The following GRIK3 variants were observed in gnomAD, a reference collection of about 807,000 sequenced individuals.
GRIK3 encodes glutamate receptor ionotropic, kainate 3.
In GRIK3, 29 loss-of-function variants were observed where a neutral mutation model predicts 102.5. That is an observed-to-expected ratio of 0.28 (90% CI 0.21 to 0.39). The LOEUF (loss-of-function observed/expected upper bound fraction) is 0.39. GRIK3 is among the 10% of genes least tolerant of loss of function. The probability of loss-of-function intolerance (pLI) is 1.00; values close to 1 mark genes in which losing one functional copy is unlikely to be tolerated. For missense variants in GRIK3, 908 were observed against 1,252.4 expected, an observed-to-expected ratio of 0.73 and a Z score of 4.15; for synonymous variants, 511 against 504.9, an observed-to-expected ratio of 1.01 and a Z score of -0.16.
At chr1:36,894,641 G>A (rs1391889528) in intron 1 of GRIK3, among the ~76,000 whole-genome samples, 2 of 152,204 alleles carry the variant, frequency 1.3e-5, no homozygotes, top group Non-Finnish European at 2.9e-5. Context: ...ACAAATTAAT[G>A]GAGCAGAAAC....
chr1:36,805,163 C>G lies in GRIK3; in HGVS notation c.2389G>C (p.Glu797Gln), dbSNP rs1331593449. The stretch of plus-strand genomic sequence containing the variant: ...CACCCGCTGCCCCGCCACCACTTCT[C>G]CTTCATGATATGCAGCTTGTCCTCC... ...QEEDKLHIMK[E>Q]KWWRGSGCPE... Residue 797 changes from glutamate (E) to glutamine (Q), a missense_variant, in exon 15 of 16, where the codon GAG becomes CAG. Glu to Gln is a conservative substitution (Grantham distance 29, BLOSUM62 2). Transcript: ENST00000373091. 56 of 1,614,098 alleles carry G rather than the reference C, an allele frequency of 3.5e-5. No individual in the cohort carries two copies. Among genetic ancestry groups the G allele is most frequent in the Non-Finnish European group, 4.6e-5 (54 of 1,180,046 alleles).
intron 1 of GRIK3, among the ~76,000 whole-genome samples, chr1:37,019,486 G>A (rs185195058): frequency 1.3e-5 from 2 of 152,270 alleles, no homozygotes; most frequent in Non-Finnish European, 2.9e-5. Context: ...CAAGACTCTG[G>A]TCTAAACTGT....
rs554726182 is a variant in GRIK3 at position 36,797,325 on chromosome 1, C to CAT, written c.*4524_*4525dup. On this transcript the variant is annotated 3_prime_UTR_variant, in exon 16 of 16. Coordinates refer to ENST00000373091, the MANE Select transcript of GRIK3 (RefSeq NM_000831.4). The stretch of plus-strand genomic sequence containing the variant: ...ACAGTATATATATATATTTTACATT[C>CAT]ATATATATATTGTACAGAACATTAA... The CAT allele has an allele frequency of 5.3e-5, 8 of 150,768 alleles. No individual in the cohort carries two copies. The highest frequency in any genetic ancestry group is 8.9e-5 in the Non-Finnish European group (6 of 67,778). The allele number at this position is 150,768 out of a possible 1,614,324, so 9.3% of individuals were successfully genotyped here. A position where few individuals can be genotyped will look rare whatever the true frequency, so the allele number is the denominator to read the frequency against.
intron 5 of GRIK3, among the ~76,000 whole-genome samples, chr1:36,867,096 G>A (rs1449058823): frequency 1.3e-5 from 2 of 152,192 alleles, no homozygotes; most frequent in Non-Finnish European, 2.9e-5. Flanking sequence ...ATGGCTGCTG[G>A]ATAAATGAAT....
At chr1:36,814,313 G>A (rs1307065031) in intron 13 of GRIK3, among the ~76,000 whole-genome samples, 1 of 152,138 alleles carries the variant, frequency 6.6e-6, no homozygotes, top group Non-Finnish European at 1.5e-5. Context: ...TTAGAGATGG[G>A]TTCATGCGTT....
At chr1:36,804,272 G>A (rs1174073095) in intron 15 of GRIK3, among the ~76,000 whole-genome samples, 1 of 152,114 alleles carries the variant, frequency 6.6e-6, no homozygotes, top group Non-Finnish European at 1.5e-5. Flanking sequence ...CCAGCCCAGC[G>A]GCCCTCATCT....
chr1:36,914,756 T>C (rs578000210), intron 1 of GRIK3, among the ~76,000 whole-genome samples: 2 of 152,346 alleles, frequency 1.3e-5, no homozygotes, highest in East Asian at 1.9e-4. Flanking sequence ...TTTTGCTTTT[T>C]AAAGATTGAT....
chr1:37,030,535 A>AC (rs1312336665), intron 1 of GRIK3, among the ~76,000 whole-genome samples: 4 of 69,904 alleles, frequency 5.7e-5, no homozygotes, highest in African/African-American at 1.1e-4. Context: ...CCTTTTCCCC[A>AC]CCCCCCACCC....
At chr1:36,812,588 G>A (rs1570738204) in intron 13 of GRIK3, among the ~76,000 whole-genome samples, 1 of 151,944 alleles carries the variant, frequency 6.6e-6, no homozygotes, top group African/African-American at 2.4e-5. Flanking sequence ...CACAGGAGAC[G>A]CTGTTTGTGA....
At chr1:36,957,431 C>G (rs7523295) in intron 1 of GRIK3, among the ~76,000 whole-genome samples, 74,516 of 81,990 alleles carry the variant, frequency 0.91, 35,113 homozygotes, top group African/African-American at 0.93. Flanking sequence ...CCATGAGCCT[C>G]TGTGCTCTGT....
chr1:37,010,982 C>T (rs1382002065), intron 1 of GRIK3, among the ~76,000 whole-genome samples: 1 of 152,058 alleles, frequency 6.6e-6, no homozygotes, highest in Non-Finnish European at 1.5e-5. Context: ...ACCTCATGAT[C>T]CACCCGCCTC....
Position 36,872,998 on chromosome 1 carries a change from A to T in GRIK3, c.551-629T>A, listed in dbSNP as rs1049559184. On this transcript the variant is annotated intron_variant, in intron 3 of 15. Coordinates refer to ENST00000373091, the MANE Select transcript of GRIK3 (RefSeq NM_000831.4). This position sits in a 1 kb window ranked among gnomAD's most constrained non-coding sequence, Gnocchi z 5.9. Reference sequence around the variant, plus strand: ...AGGGCAGTCTGCCTTGGTAAACCTTACCCACTTTTTCAGGTTTAGTGCAAC... The same window carrying T: ...AGGGCAGTCTGCCTTGGTAAACCTTTCCCACTTTTTCAGGTTTAGTGCAAC... 5.3e-5 allele frequency among the ~76,000 whole-genome samples: 8 copies of T among 151,992 alleles called. No individual in the cohort carries two copies. Among genetic ancestry groups the T allele is most frequent in the African/African-American group, 1.9e-4 (8 of 41,378 alleles).
In GRIK3 at chr1:36,801,218, C is replaced by G. The variant is rs997065170; in HGVS notation, c.*633G>C. The stretch of plus-strand genomic sequence containing the variant: ...TTTGTGCATTCTCTTCTCTCCCATA[C>G]CCCAAACTCCTCTTTTCCCCTGTGT... On this transcript the variant is annotated 3_prime_UTR_variant, in exon 16 of 16. Transcript: ENST00000373091. The G allele has an allele frequency of 6.6e-6, 1 of 152,390 alleles. No homozygotes were observed. The highest frequency in any genetic ancestry group is 1.5e-5 in the Non-Finnish European group (1 of 68,172). 9.4% of individuals were successfully genotyped at this position (152,390 alleles called of 1,614,324 possible). A position where few individuals can be genotyped will look rare whatever the true frequency, so the allele number is the denominator to read the frequency against.
intron 1 of GRIK3, among the ~76,000 whole-genome samples, chr1:37,018,496 G>T (rs532897022): frequency 5.9e-5 from 9 of 152,298 alleles, no homozygotes; most frequent in Non-Finnish European, 1.0e-4. Flanking sequence ...TGGTCTCTGA[G>T]CACTCTTTCT....
chr1:36,949,767 AG>A (rs201463391), intron 1 of GRIK3, among the ~76,000 whole-genome samples: 46 of 151,900 alleles, frequency 3.0e-4, no homozygotes, highest in Non-Finnish European at 5.7e-4. Context: ...TATTAGAGAC[AG>A]GGGGGTCACC....
intron 13 of GRIK3, among the ~76,000 whole-genome samples, chr1:36,811,385 C>T (rs1176696743): frequency 6.6e-6 from 1 of 152,140 alleles, no homozygotes; most frequent in African/African-American, 2.4e-5. Context: ...AACATTGCCT[C>T]TCAGCTGCTG....
At chr1:36,908,541 GC>G (rs1281811267) in intron 1 of GRIK3, among the ~76,000 whole-genome samples, 2 of 152,268 alleles carry the variant, frequency 1.3e-5, no homozygotes, top group African/African-American at 4.8e-5. Flanking sequence ...GCTGGAGGCT[GC>G]CCCCCTTTCC....
At chr1:36,922,958 C>A (rs1022628006) in intron 1 of GRIK3, among the ~76,000 whole-genome samples, 2 of 152,156 alleles carry the variant, frequency 1.3e-5, no homozygotes, top group South Asian at 4.1e-4. Context: ...GGGTTGCAGC[C>A]TGGGAGCCCA....
intron 10 of GRIK3, 59 bp from the exon 11 acceptor site, chr1:36,825,885 A>G: frequency 8.3e-7 from 1 of 1,210,666 alleles, no homozygotes. Context: ...ATAGCGGGAG[A>G]CAGAACACCA....
Sources: allele counts gnomAD v4.1 joint callset (sites outside exome capture counted in the v4.1 genomes callset), GRCh38; gene constraint gnomAD v4.1.1; non-coding constraint Gnocchi (gnomAD v3.1); transcripts MANE v1.5; gene names NCBI Gene and HGNC (gene_info 2026-07-23, HGNC 2026-07-21).